PTH2R: variants seen among roughly 807,000 people sequenced by gnomAD.
PTH2R encodes the protein parathyroid hormone 2 receptor, also known as PTH2 receptor.
PTH2R carries 59 observed loss-of-function variants against 60.3 expected under a neutral mutation model. The ratio of observed to expected loss-of-function variants is 0.98; its 90% CI spans 0.79 to 1.22. The LOEUF (loss-of-function observed/expected upper bound fraction) is 1.22, where lower values mean the gene tolerates loss of function less well. PTH2R is among the 50% of genes most tolerant of loss of function. The pLI is 0.00. For synonymous variants in PTH2R, 256 were observed against 243.8 expected (o/e 1.05, Z -0.47); for missense variants, 749 against 682.6 (o/e 1.10, Z -1.08).
chr2:208,463,822 G>T (rs753771691), intron 9 of PTH2R, among the ~76,000 whole-genome samples: 7 of 152,140 alleles, frequency 4.6e-5, no homozygotes, highest in Non-Finnish European at 8.8e-5. Context: ...AGACCTGAGG[G>T]GACTCCCAGG....
chr2:208,462,748 G>C (rs1394239998), intron 9 of PTH2R, among the ~76,000 whole-genome samples: 1 of 152,208 alleles, frequency 6.6e-6, no homozygotes, highest in Admixed American at 6.5e-5. Context: ...AGTGATTAAT[G>C]GGGGAAATTT....
intron 7 of PTH2R, among the ~76,000 whole-genome samples, chr2:208,445,972 T>A (rs1702280824): frequency 1.3e-5 from 2 of 152,184 alleles, no homozygotes; most frequent in South Asian, 2.1e-4. Context: ...TTTTTTAGGA[T>A]CCTTTGGAAA....
intron 9 of PTH2R, among the ~76,000 whole-genome samples, chr2:208,461,811 AT>A (rs1276551343): frequency 6.6e-6 from 1 of 152,156 alleles, no homozygotes; most frequent in Non-Finnish European, 1.5e-5. Context: ...TGAAAAATTT[AT>A]TTTCTGAGAT....
At chr2:208,490,739 G>A (rs1703386451) in intron 12 of PTH2R, 59 bp downstream of exon 12, 7 of 1,480,560 alleles carry the variant, frequency 4.7e-6, no homozygotes, top group Non-Finnish European at 6.4e-6. Context: ...CCATCACAAT[G>A]TATCCTGAAT....
chr2:208,472,997 T>G (rs1418893550), intron 9 of PTH2R, among the ~76,000 whole-genome samples: 2 of 152,246 alleles, frequency 1.3e-5, no homozygotes, highest in African/African-American at 2.4e-5. Context: ...TGCCATAGGA[T>G]TTAAGCTAGA....
At chr2:208,461,134 A>G (rs1702625932) in intron 9 of PTH2R, among the ~76,000 whole-genome samples, 1 of 152,180 alleles carries the variant, frequency 6.6e-6, no homozygotes, top group Admixed American at 6.5e-5. Flanking sequence ...GCTATTTTGT[A>G]TCCTTGCTAA....
At chr2:208,393,768 T>C (rs893108922) in intron 1 of PTH2R, among the ~76,000 whole-genome samples, 1 of 152,188 alleles carries the variant, frequency 6.6e-6, no homozygotes, top group Non-Finnish European at 1.5e-5. Flanking sequence ...AAAATTGGCC[T>C]AAGTCTCCCT....
intron 1 of PTH2R, among the ~76,000 whole-genome samples, chr2:208,386,648 T>C (rs1380514807): frequency 6.6e-6 from 1 of 152,160 alleles, no homozygotes; most frequent in African/African-American, 2.4e-5. Context: ...GTCTGGGAAA[T>C]CCAAGGTCAA....
At chr2:208,360,228 C>G (rs749780932) in exon 1 of PTH2R, 15 of 453,186 alleles carry the variant, frequency 3.3e-5, no homozygotes, top group Non-Finnish European at 5.8e-5. Flanking sequence ...GGCACAGGTT[C>G]CTTGAACAGG....
intron 8 of PTH2R, among the ~76,000 whole-genome samples, chr2:208,458,935 G>A (rs1014238527): frequency 2.6e-5 from 4 of 152,016 alleles, no homozygotes; most frequent in African/African-American, 9.7e-5. Flanking sequence ...GTGTCTTTAC[G>A]GTAGAATGCT....
intron 9 of PTH2R, among the ~76,000 whole-genome samples, chr2:208,472,764 C>T (rs1702913621): frequency 6.6e-6 from 1 of 152,306 alleles, no homozygotes; most frequent in African/African-American, 2.4e-5. Context: ...TTTTATTAAT[C>T]ATCTGATGAA....
intron 9 of PTH2R, among the ~76,000 whole-genome samples, chr2:208,468,338 A>G (rs1702800774): frequency 1.3e-5 from 2 of 152,230 alleles, no homozygotes; most frequent in South Asian, 2.1e-4. Flanking sequence ...ATGTACATCA[A>G]TGTATCTAAT....
chr2:208,410,255 T>G lies in PTH2R; in HGVS notation c.75+3137T>G, dbSNP rs183611731. ...CTCTCATTTAATTATCACAGTAACT[T>G]TATGAGATGGGCACTGTAATTGTTC... On this transcript the variant is annotated intron_variant, in intron 1 of 12. Coordinates refer to ENST00000272847, the MANE Select transcript of PTH2R (RefSeq NM_005048.4). Among the ~76,000 whole-genome samples, 44 of 152,296 alleles carry G rather than the reference T, an allele frequency of 2.9e-4. 1 individual carries two copies. Among genetic ancestry groups the G allele is most frequent in the African/African-American group, 1.1e-3 (44 of 41,556 alleles).
At chr2:208,424,299 C>A (rs1279074410) in intron 1 of PTH2R, among the ~76,000 whole-genome samples, 1 of 152,110 alleles carries the variant, frequency 6.6e-6, no homozygotes, top group Non-Finnish European at 1.5e-5. Context: ...GGTCCCTTGT[C>A]ATTTTGGGTT....
At chr2:208,360,033 G>T (rs1700416845) in exon 1 of PTH2R, 1 of 334,414 alleles carries the variant, frequency 3.0e-6, no homozygotes, top group Non-Finnish European at 6.0e-6. Context: ...CAGGTTTTTT[G>T]GGTCGGAGAG....
At chr2:208,474,397 A>T (rs535846067) in intron 9 of PTH2R, among the ~76,000 whole-genome samples, 10 of 152,342 alleles carry the variant, frequency 6.6e-5, no homozygotes, top group African/African-American at 2.2e-4. Flanking sequence ...GAAGTTCAGA[A>T]TAGGGAAGAG....
intron 9 of PTH2R, among the ~76,000 whole-genome samples, chr2:208,476,218 T>C (rs938988769): frequency 8.5e-5 from 13 of 152,150 alleles, no homozygotes; most frequent in African/African-American, 2.9e-4. Flanking sequence ...ATTCATTTTC[T>C]CCCAGTTGCA....
intron 1 of PTH2R, among the ~76,000 whole-genome samples, chr2:208,392,862 C>T (rs766443654): frequency 2.4e-4 from 36 of 152,266 alleles, no homozygotes; most frequent in Non-Finnish European, 4.1e-4. Flanking sequence ...GTTTGAGCCC[C>T]GGGACCTGTC....
intron 1 of PTH2R, among the ~76,000 whole-genome samples, chr2:208,398,137 GA>G (rs1277079814): frequency 6.6e-6 from 1 of 152,136 alleles, no homozygotes; most frequent in Non-Finnish European, 1.5e-5. Flanking sequence ...AGAAGTCATA[GA>G]AAAGACTGAA....
Sources: gnomAD v4.1 joint callset for allele counts (sites outside exome capture counted in the v4.1 genomes callset) on GRCh38, gnomAD v4.1.1 for gene constraint, MANE v1.5 for transcripts, NCBI Gene and HGNC (gene_info 2026-07-23, HGNC 2026-07-21) for gene names.